The following B9D1 variants were observed in gnomAD, a reference collection of about 807,000 sequenced individuals.
The protein encoded by B9D1 is B9 domain-containing protein 1.
A neutral mutation model predicts 26.1 loss-of-function variants in B9D1; 20 were observed. That is an observed-to-expected ratio of 0.77 (90% CI 0.54 to 1.12). B9D1 has a LOEUF of 1.12. B9D1 is among the 50% of genes most tolerant of loss of function. B9D1 has a pLI of 0.00. For synonymous variants in B9D1, 105 were observed against 103.1 expected (o/e 1.02, Z -0.11); for missense variants, 260 against 273.7 (o/e 0.95, Z 0.35).
chr17:19,339,066 G>A (rs1907692707), downstream of B9D1, among the ~76,000 whole-genome samples: 1 of 150,162 alleles, frequency 6.7e-6, no homozygotes, highest in South Asian at 2.1e-4. Context: ...CATGATGGGA[G>A]AGCCACCCCC....
At chr17:19,353,212 G>A (rs2152269210) in intron 3 of B9D1, among the ~76,000 whole-genome samples, 1 of 151,620 alleles carries the variant, frequency 6.6e-6, no homozygotes, top group Admixed American at 6.6e-5. Flanking sequence ...CTGACCTCGT[G>A]ATCCACCCGC....
chr17:19,335,381 A>G (rs998817966), downstream of B9D1: 2 of 1,547,616 alleles, frequency 1.3e-6, no homozygotes, highest in Non-Finnish European at 8.7e-7. Context: ...ATTTTTATCA[A>G]CTAATTCCTT....
chr17:19,356,538 G>A (rs927421558), intron 3 of B9D1, among the ~76,000 whole-genome samples: 16 of 152,294 alleles, frequency 1.1e-4, no homozygotes, highest in African/African-American at 3.6e-4. Flanking sequence ...TATTCCTAGG[G>A]CAGCTCTTTG....
At chr17:19,376,790 A>ATAAAATAAAATAAAAT (rs1912147000) in intron 1 of B9D1, among the ~76,000 whole-genome samples, 1 of 8,926 alleles carries the variant, frequency 1.1e-4, no homozygotes, top group African/African-American at 1.4e-4. Flanking sequence ...CACTCTTCAA[A>ATAAAATAAAATAAAAT]TAAAATAAAA....
upstream of B9D1, chr17:19,362,887 C>CA: frequency 2.0e-6 from 1 of 503,898 alleles, no homozygotes; most frequent in Non-Finnish European, 3.6e-6. Flanking sequence ...GTTGCACGCG[C>CA]AGGGAGTGTG....
At chr17:19,356,605 G>A (rs1910391990) in intron 3 of B9D1, among the ~76,000 whole-genome samples, 1 of 152,164 alleles carries the variant, frequency 6.6e-6, no homozygotes, top group East Asian at 1.9e-4. Context: ...CCCCTTGGAA[G>A]GCTCTGAACA....
Position 19,347,935 on chromosome 17 carries a change from G to A in B9D1, c.245-55C>T. The A allele has an allele frequency of 1.3e-6, 2 of 1,495,042 alleles. No homozygotes were observed. Among genetic ancestry groups the A allele is most frequent in the Non-Finnish European group, 9.3e-7 (1 of 1,074,836 alleles). The allele number at this position is 1,495,042 out of a possible 1,614,324, so 92.6% of individuals were successfully genotyped here. A position where few individuals can be genotyped will look rare whatever the true frequency, so the allele number is the denominator to read the frequency against. On this transcript the variant is annotated intron_variant, in intron 3 of 6. Transcript: ENST00000261499. This position sits in a 1 kb window ranked among gnomAD's most constrained non-coding sequence, Gnocchi z 4.3. Reference sequence around the variant, plus strand: ...CATGAGGACACACAGGGGAGGTGCAGGGCAGAGAACAGGGCGTGTCCAGCT... The same window carrying A: ...CATGAGGACACACAGGGGAGGTGCAAGGCAGAGAACAGGGCGTGTCCAGCT...
chr17:19,368,192 C>T (rs975011354), intron 1 of B9D1, among the ~76,000 whole-genome samples: 1 of 152,202 alleles, frequency 6.6e-6, no homozygotes, highest in Non-Finnish European at 1.5e-5. Flanking sequence ...TGAGCCCAGG[C>T]CAGTCACTGC....
chr17:19,336,363 C>A (rs1043394818), downstream of B9D1: 10 of 152,316 alleles, frequency 6.6e-5, no homozygotes, highest in Non-Finnish European at 8.8e-5. Context: ...AGACTAGACT[C>A]GACTACTTGG....
downstream of B9D1, chr17:19,335,797 C>T (rs3803839): frequency 7.7e-3 from 1,700 of 221,076 alleles, 86 homozygotes; most frequent in East Asian, 0.11. Flanking sequence ...CTTCCAAACT[C>T]CTACTGTCCT....
At chr17:19,362,958 T>C (rs749400757), upstream of B9D1, 90 of 354,636 alleles carry the variant, frequency 2.5e-4, no homozygotes, top group South Asian at 2.9e-4. Context: ...GAATGAGAGC[T>C]GAGTCCTGGG....
At chr17:19,343,531 C>T (rs1908249966) in intron 6 of B9D1, 70 bp from the exon 7 acceptor site, 2 of 1,605,514 alleles carry the variant, frequency 1.2e-6, no homozygotes, top group African/African-American at 1.3e-5. Flanking sequence ...ATCTGGGAAT[C>T]TCAGCCTCAG....
chr17:19,347,858 C>T lies in B9D1; in HGVS notation c.267G>A (p.Val89=), dbSNP rs141244130. Residue 89 remains valine (V), a synonymous_variant, in exon 4 of 7, where the codon GTG becomes GTA. Transcript: ENST00000261499. This position sits in a 1 kb window ranked among gnomAD's most constrained non-coding sequence, Gnocchi z 4.3. The stretch of plus-strand genomic sequence containing the variant: ...CGTTCCCGAACACATCTGGTCCATA[C>T]ACGCTGAGCACGATCTGTGGCCCTT... ...PYGWPQIVLS[V]YGPDVFGNDV... The T allele has an allele frequency of 3.1e-6, 5 of 1,614,006 alleles. No homozygotes were observed. Among genetic ancestry groups the T allele is most frequent in the African/African-American group, 2.7e-5 (2 of 74,918 alleles).
At position 19,359,482 on chromosome 17, in the gene B9D1, C is replaced by A. The variant is rs1018746478; in HGVS notation, c.132+838G>T. ...TTCCCTCACTTCCTTCAGGTCTTTC[C>A]TCAAAAGTTACTTTCTCGGCAAGGC... On this transcript the variant is annotated intron_variant, in intron 2 of 6. Transcript: ENST00000261499. The surrounding 1 kb of genome is among the most constrained non-coding windows in gnomAD (Gnocchi z 5.0). Among the ~76,000 whole-genome samples, 5 of 152,222 alleles carry A rather than the reference C, an allele frequency of 3.3e-5. No individual in the cohort carries two copies. The highest frequency in any genetic ancestry group is 1.2e-4 in the African/African-American group (5 of 41,446).
At position 19,362,683 on chromosome 17, in the gene B9D1, G is replaced by C. The variant is rs1344002534; in HGVS notation, c.-114C>G. On this transcript the variant is annotated 5_prime_UTR_variant, in exon 1 of 7. Coordinates refer to ENST00000261499, the MANE Select transcript of B9D1 (RefSeq NM_015681.6). The stretch of plus-strand genomic sequence containing the variant: ...CGCGCAGGACACGTTTCTTGGCAGC[G>C]ACACCTTCGCGAAGGCCACGCGAGT... 1 of 1,535,396 alleles carries C rather than the reference G, an allele frequency of 6.5e-7. No homozygotes were observed. Among genetic ancestry groups the C allele is most frequent in the South Asian group, 1.2e-5 (1 of 83,820 alleles).
chr17:19,341,369 T>C (rs1907941266), downstream of B9D1: 22 of 1,215,948 alleles, frequency 1.8e-5, no homozygotes, highest in Non-Finnish European at 2.3e-5. Context: ...CTGAGGGTGC[T>C]GGGCTTTTGC....
Position 19,347,361 on chromosome 17 carries a change from G to A in B9D1, c.342-30C>T. The A allele has an allele frequency of 6.2e-7, 1 of 1,612,864 alleles. No homozygotes were observed. Among genetic ancestry groups the A allele is most frequent in the African/African-American group, 1.3e-5 (1 of 75,010 alleles). ...AACAAATGTTTTTGCAGACAGAGATGCTGAGTAAGAGACCTTTCTGAGCCT... is the reference window on the plus strand; with the variant it reads ...AACAAATGTTTTTGCAGACAGAGATACTGAGTAAGAGACCTTTCTGAGCCT... On this transcript the variant is annotated intron_variant, in intron 4 of 6. Coordinates refer to ENST00000261499, the MANE Select transcript of B9D1 (RefSeq NM_015681.6). The surrounding 1 kb of genome is among the most constrained non-coding windows in gnomAD (Gnocchi z 4.3).
At chr17:19,346,173 G>A (rs1908748451) in intron 5 of B9D1, among the ~76,000 whole-genome samples, 1 of 152,198 alleles carries the variant, frequency 6.6e-6, no homozygotes, top group Non-Finnish European at 1.5e-5. Flanking sequence ...GTGGCATGGG[G>A]ATTGTCACCT....
At chr17:19,346,835 G>A (rs1908869922) in intron 5 of B9D1, 11 of 1,164,458 alleles carry the variant, frequency 9.4e-6, no homozygotes, top group Admixed American at 3.2e-5. Flanking sequence ...GTTCTTCCCC[G>A]GCTCTTCCCT....
Sources: gnomAD v4.1 joint callset for allele counts (sites outside exome capture counted in the v4.1 genomes callset) on GRCh38, gnomAD v4.1.1 for gene constraint, Gnocchi (gnomAD v3.1) non-coding constraint, MANE v1.5 for transcripts, NCBI Gene and HGNC (gene_info 2026-07-23, HGNC 2026-07-21) for gene names.